NCLN: variants seen among roughly 807,000 people sequenced by gnomAD.
The protein encoded by NCLN is BOS complex subunit NCLN.
Under a neutral mutation model 69.5 loss-of-function variants are expected in NCLN, and 34 were observed. The ratio of observed to expected loss-of-function variants is 0.49; its 90% CI spans 0.37 to 0.65. The LOEUF (loss-of-function observed/expected upper bound fraction) is 0.65. NCLN is among the 30% of genes least tolerant of loss of function. NCLN has a pLI of 0.00. For missense variants in NCLN, 710 were observed against 804.8 expected, an observed-to-expected ratio of 0.88 and a Z score of 1.42; for synonymous variants, 393 against 358.3, an observed-to-expected ratio of 1.10 and a Z score of -1.09.
intron 4 of NCLN, among the ~76,000 whole-genome samples, chr19:3,197,414 A>G (rs1437814379): frequency 6.6e-6 from 1 of 152,088 alleles, no homozygotes; most frequent in Admixed American, 6.6e-5. Flanking sequence ...CCGGCCCTCT[A>G]CCTGCTTTTG....
chr19:3,203,616 C>T (rs1916182031), intron 6 of NCLN, 140 bp from the exon 7 acceptor site: 4 of 729,322 alleles, frequency 5.5e-6, no homozygotes, highest in Non-Finnish European at 9.0e-6. Flanking sequence ...AGGGGTCATG[C>T]CCCGCCCTAA....
In NCLN at chr19:3,186,132, G is replaced by A. The variant is rs1258441956; in HGVS notation, c.102G>A (p.Ala34=). 6.3e-7 allele frequency: 1 copy of A among 1,595,522 alleles called. No homozygotes were observed. Among genetic ancestry groups the A allele is most frequent in the Non-Finnish European group, 8.5e-7 (1 of 1,173,502 alleles). ...TGCCCGCTGTGCTGCTGCTGGTGGCGCCGCCGCTGCCTGCCGCCGACGCCG... is the reference window on the plus strand; with the variant it reads ...TGCCCGCTGTGCTGCTGCTGGTGGCACCGCCGCTGCCTGCCGCCGACGCCG... ...VFLPAVLLLV[A]PPLPAADAAH... Residue 34 remains alanine (A), a synonymous_variant, in exon 1 of 15, where the codon GCG becomes GCA. Transcript: ENST00000246117.
rs555831396 is a variant in NCLN, at chr19:3,188,516, G to A, written c.184+2302G>A. On this transcript the variant is annotated intron_variant, in intron 1 of 14. Coordinates refer to ENST00000246117, the MANE Select transcript of NCLN (RefSeq NM_020170.4). ...CCCGTTTTCCTTCCCCGATTCCCTC[G>A]GCCCCTTTTTGGTGGCGCCTCCCTC... Among the ~76,000 whole-genome samples, 16 of 152,022 alleles carry A rather than the reference G, an allele frequency of 1.1e-4. No homozygotes were observed. The South Asian group carries it at 2.9e-3, about 28-fold the overall frequency.
chr19:3,206,431 G>C lies in NCLN; in HGVS notation c.1499+6G>C. On this transcript the variant is annotated splice_donor_region_variant and intron_variant, in intron 12 of 14. Coordinates refer to ENST00000246117, the MANE Select transcript of NCLN (RefSeq NM_020170.4). ...CACGTCAAGGCTGACAAGCGGTGAG[G>C]CTGGGGCTCCGCGCTGGCCCCGTTC... 6.5e-7 allele frequency: 1 copy of C among 1,544,872 alleles called. No homozygotes were observed.
chr19:3,197,358 C>T (rs1395816228), intron 4 of NCLN, among the ~76,000 whole-genome samples: 2 of 152,196 alleles, frequency 1.3e-5, no homozygotes, highest in South Asian at 2.1e-4. Flanking sequence ...GTTGCAAAAA[C>T]AGCAAGTAGA....
At position 3,205,937 on chromosome 19, in the gene NCLN, A is replaced by G; in HGVS notation, c.1209-2A>G. 1 of 1,613,572 alleles carries G rather than the reference A, an allele frequency of 6.2e-7. No homozygotes were observed. The highest frequency in any genetic ancestry group is 8.5e-7 in the Non-Finnish European group (1 of 1,179,878). ...TTAAAACATTGTTTTTGAATCGTGAAGGTCCCGGGTGGATTCTAAGACCCT... is the reference window on the plus strand; with the variant it reads ...TTAAAACATTGTTTTTGAATCGTGAGGGTCCCGGGTGGATTCTAAGACCCT... On this transcript the variant is annotated splice_acceptor_variant, in intron 9 of 14. Coordinates refer to ENST00000246117, the MANE Select transcript of NCLN (RefSeq NM_020170.4). LOFTEE classifies it high-confidence loss of function. The surrounding 1 kb of genome is among the most constrained non-coding windows in gnomAD (Gnocchi z 4.6).
In NCLN at chr19:3,204,686, C is replaced by T. The variant is rs199677315; in HGVS notation, c.1143C>T (p.Pro381=). The change falls in exon 9 of 15, where the codon CCC becomes CCT. Residue 381 remains proline (P), a synonymous_variant. Transcript: ENST00000246117. ...EHERFAIRRL[P]AFTLSHLESH... ...AGCGCTTCGCCATCCGCCGACTGCC[C>T]GCCTTCACGCTGTCCCACCTGGAGA... is the stretch of plus-strand genomic sequence containing the variant. 3.3e-5 allele frequency: 53 copies of T among 1,607,010 alleles called. No homozygotes were observed. In the Admixed American group the frequency reaches 5.9e-4, roughly 18 times the overall value.
rs771930189 is a variant in NCLN at position 3,196,209 on chromosome 19, G to A, written c.547G>A (p.Gly183Ser). Reference sequence around the variant, plus strand: ...ACTGCTGCGCACGGCCACTGCCAACGGCTTCCAGATGGTCACCAGCGGGGT... The same window carrying A: ...ACTGCTGCGCACGGCCACTGCCAACAGCTTCCAGATGGTCACCAGCGGGGT... ...EVLLRTATANGFQMVTSGVQS... is the reference protein window; with the variant it reads ...EVLLRTATANSFQMVTSGVQS... The change falls in exon 4 of 15, where the codon GGC (glycine) becomes AGC (serine). Residue 183 changes from glycine (G) to serine (S), a missense_variant. Physicochemically the swap from Gly to Ser is moderately conservative, Grantham distance 56. Coordinates refer to ENST00000246117, the MANE Select transcript of NCLN (RefSeq NM_020170.4). 5.1e-6 allele frequency: 8 copies of A among 1,555,326 alleles called. No homozygotes were observed. Among genetic ancestry groups the A allele is most frequent in the Admixed American group, 1.9e-5 (1 of 51,574 alleles).
Position 3,204,045 on chromosome 19 carries a change from C to T in NCLN, c.930C>T (p.Cys310=). The change falls in exon 8 of 15, where the codon TGC becomes TGT. Residue 310 remains cysteine (C), a synonymous_variant. Coordinates refer to ENST00000246117, the MANE Select transcript of NCLN (RefSeq NM_020170.4). The stretch of plus-strand genomic sequence containing the variant: ...AGGACAATGTGGCCTTCGTGCTGTG[C>T]CTGGACACCGTGGGCCGGGGCAGCA... The part of the protein sequence containing the change: ...LLQDNVAFVL[C]LDTVGRGSSL... 6.4e-7 allele frequency: 1 copy of T among 1,572,514 alleles called. No individual in the cohort carries two copies. The highest frequency in any genetic ancestry group is 8.6e-7 in the Non-Finnish European group (1 of 1,158,612).
intron 3 of NCLN, among the ~76,000 whole-genome samples, chr19:3,194,195 C>A (rs568441): frequency 0.28 from 42,974 of 152,058 alleles, 6,232 homozygotes; most frequent in East Asian, 0.48. Context: ...GCCTGGCCAA[C>A]CTGGCGAAAG....
Position 3,196,276 on chromosome 19 carries a change from A to G in NCLN, c.614A>G (p.Glu205Gly). The change falls in exon 4 of 15, where the codon GAG becomes GGG. Residue 205 changes from glutamate to glycine, a missense_variant and splice_region_variant. Glu to Gly is a moderately conservative substitution (Grantham distance 98). Coordinates refer to ENST00000246117, the MANE Select transcript of NCLN (RefSeq NM_020170.4). ...AVSDWLIASV[E>G]GRLTGLGGED... ...AGTGACTGGCTGATTGCCAGCGTGGAGGTGAGTGCCGCCTGCCCCGGAGCC... is the reference window on the plus strand; with the variant it reads ...AGTGACTGGCTGATTGCCAGCGTGGGGGTGAGTGCCGCCTGCCCCGGAGCC... 6.5e-7 allele frequency: 1 copy of G among 1,543,520 alleles called. No individual in the cohort carries two copies. Among genetic ancestry groups the G allele is most frequent in the Non-Finnish European group, 8.8e-7 (1 of 1,140,846 alleles).
chr19:3,188,319 G>A lies in NCLN; in HGVS notation c.184+2105G>A, dbSNP rs1268544116. Among the ~76,000 whole-genome samples, 7 of 152,224 alleles carry A rather than the reference G, an allele frequency of 4.6e-5. No individual in the cohort carries two copies. In the South Asian group the frequency reaches 1.5e-3, roughly 32 times the overall value. On this transcript the variant is annotated intron_variant, in intron 1 of 14. Transcript: ENST00000246117. ...CGGCTCCCTACACTGTCCCTGGGCA[G>A]ATGTGGGCCCCCTTTCTCTCCCCGC...
intron 6 of NCLN, among the ~76,000 whole-genome samples, chr19:3,202,361 G>C (rs1309871361): frequency 6.6e-6 from 1 of 152,134 alleles, no homozygotes; most frequent in African/African-American, 2.4e-5. Flanking sequence ...CGTCCCCGTG[G>C]CCCTGTGGAT....
At position 3,185,995 on chromosome 19, in the gene NCLN, C is replaced by T. The variant is rs1316492573; in HGVS notation, c.-36C>T. 1.4e-6 allele frequency: 2 copies of T among 1,470,868 alleles called. No homozygotes were observed. Among genetic ancestry groups the T allele is most frequent in the Non-Finnish European group, 1.8e-6 (2 of 1,110,864 alleles). 91.1% of individuals were successfully genotyped at this position (1,470,868 alleles called of 1,614,324 possible). A position where few individuals can be genotyped will look rare whatever the true frequency, so the allele number is the denominator to read the frequency against. On this transcript the variant is annotated 5_prime_UTR_variant, in exon 1 of 15. Transcript: ENST00000246117. ...AGCCGCCGCCGCCGCCGTCCCGTCC[C>T]AGCTGCCGCCCCGCGCGGCCCCGCC...
Position 3,207,732 on chromosome 19 carries a change from C to T in NCLN, c.*44C>T, listed in dbSNP as rs1338615583. On this transcript the variant is annotated 3_prime_UTR_variant, in exon 15 of 15. Transcript: ENST00000246117. The stretch of plus-strand genomic sequence containing the variant: ...CGGAGCCCCCGCCGCTCCACAGTCC[C>T]TGGGGCCGAGCACGAGTGAGTGGAC... 6.4e-7 allele frequency: 1 copy of T among 1,563,486 alleles called. No homozygotes were observed. Among genetic ancestry groups the T allele is most frequent in the East Asian group, 2.2e-5 (1 of 44,576 alleles).
chr19:3,188,988 G>C (rs553565339), intron 1 of NCLN, among the ~76,000 whole-genome samples: 1 of 152,306 alleles, frequency 6.6e-6, no homozygotes, highest in East Asian at 1.9e-4. Flanking sequence ...CCATCTTCCC[G>C]GTGTGCTTTC....
At chr19:3,189,815 A>G (rs937337948) in intron 1 of NCLN, among the ~76,000 whole-genome samples, 1 of 152,156 alleles carries the variant, frequency 6.6e-6, no homozygotes, top group Non-Finnish European at 1.5e-5. Context: ...AGCCCTTGCC[A>G]TTGGGCCCCG....
At chr19:3,198,523 AC>A (rs1568312703) in intron 4 of NCLN, among the ~76,000 whole-genome samples, 9 of 149,284 alleles carry the variant, frequency 6.0e-5, no homozygotes, top group African/African-American at 2.0e-4. Context: ...AAAAAAAAAA[AC>A]ACAAACAAAA....
chr19:3,192,467 C>T lies in NCLN; in HGVS notation c.185-3C>T. ...GCTCACGACCCCGCCCCTGTGCCCA[C>T]AGGCACACGGAATGCAGTGCTGAAC... is the stretch of plus-strand genomic sequence containing the variant. On this transcript the variant is annotated splice_polypyrimidine_tract_variant and splice_region_variant and intron_variant, in intron 1 of 14. Transcript: ENST00000246117. The T allele has an allele frequency of 6.3e-7, 1 of 1,584,612 alleles. No homozygotes were observed. Among genetic ancestry groups the T allele is most frequent in the Non-Finnish European group, 8.6e-7 (1 of 1,169,418 alleles).
Sources: allele counts gnomAD v4.1 joint callset (sites outside exome capture counted in the v4.1 genomes callset), GRCh38; gene constraint gnomAD v4.1.1; non-coding constraint Gnocchi (gnomAD v3.1); transcripts MANE v1.5; gene names NCBI Gene and HGNC (gene_info 2026-07-23, HGNC 2026-07-21).